The following PPP1R42 variants were observed in gnomAD, a reference collection of about 807,000 sequenced individuals.
PPP1R42 encodes leucine rich repeat containing 67.
In PPP1R42, 34 loss-of-function variants were observed where a neutral mutation model predicts 31.0. The observed-to-expected ratio is 1.10, with a 90% CI of 0.83 to 1.46. The LOEUF (loss-of-function observed/expected upper bound fraction) is 1.46, where lower values mean the gene tolerates loss of function less well. PPP1R42 is among the 40% of genes most tolerant of loss of function. The probability of loss-of-function intolerance (pLI) is 0.00; values close to 1 mark genes in which losing one functional copy is unlikely to be tolerated. For synonymous variants in PPP1R42, 103 were observed against 109.8 expected, an observed-to-expected ratio of 0.94 and a Z score of 0.39; for missense variants, 268 against 303.0, an observed-to-expected ratio of 0.88 and a Z score of 0.86.
intron 6 of PPP1R42, chr8:66,985,253 G>A (rs1814969647): frequency 9.3e-7 from 1 of 1,075,206 alleles, no homozygotes; most frequent in African/African-American, 1.6e-5. Context: ...TTAAAAGTGC[G>A]TTTCTGGCGC....
At position 66,970,578 on chromosome 8, in the gene PPP1R42, G is replaced by A. The variant is rs181962140; in HGVS notation, c.803-6244C>T. On this transcript the variant is annotated intron_variant, in intron 7 of 7. Coordinates refer to ENST00000685739, the MANE Select transcript of PPP1R42 (RefSeq NM_001364910.1). ...GTGGTGAAAGTAGTCTAATTCTGTA[G>A]GCCTCTGGACTTTCTGCAACCATAT... is the stretch of plus-strand genomic sequence containing the variant. Among the ~76,000 whole-genome samples, 201 of 152,286 alleles carry A rather than the reference G, an allele frequency of 1.3e-3. 1 individual carries two copies. Among genetic ancestry groups the A allele is most frequent in the Admixed American group, 2.0e-3 (30 of 15,300 alleles).
At chr8:66,965,084 T>C (rs948179292) in intron 7 of PPP1R42, among the ~76,000 whole-genome samples, 1 of 152,148 alleles carries the variant, frequency 6.6e-6, no homozygotes, top group Non-Finnish European at 1.5e-5. Context: ...ATAATGCTTT[T>C]GAGATCCATG....
intron 7 of PPP1R42, among the ~76,000 whole-genome samples, chr8:66,966,453 C>A (rs1449838468): frequency 1.3e-5 from 2 of 152,110 alleles, no homozygotes; most frequent in Non-Finnish European, 2.9e-5. Flanking sequence ...TAAAATGGGG[C>A]TTATAGTATT....
chr8:66,983,566 A>G (rs894471331), intron 6 of PPP1R42, among the ~76,000 whole-genome samples: 4 of 152,272 alleles, frequency 2.6e-5, no homozygotes, highest in South Asian at 2.1e-4. Context: ...CTCATTATCC[A>G]TGTAATCCAC....
chr8:66,985,496 C>G (rs1281863004), intron 6 of PPP1R42: 3 of 1,127,130 alleles, frequency 2.7e-6, no homozygotes, highest in Middle Eastern at 2.1e-4. Flanking sequence ...TTTAACTCCC[C>G]CTTTGGGGAA....
intron 5 of PPP1R42, among the ~76,000 whole-genome samples, chr8:67,007,720 A>C (rs1356432790): frequency 6.6e-6 from 1 of 152,078 alleles, no homozygotes; most frequent in Non-Finnish European, 1.5e-5. Context: ...CGGGGCCATG[A>C]ATTATTCCTT....
chr8:67,001,961 A>G (rs1425662841), intron 5 of PPP1R42, among the ~76,000 whole-genome samples: 1 of 152,190 alleles, frequency 6.6e-6, no homozygotes, highest in Non-Finnish European at 1.5e-5. Flanking sequence ...GACCCTGTCT[A>G]AAAACAAAAA....
At chr8:67,019,271 T>C (rs1450004867) in intron 1 of PPP1R42, among the ~76,000 whole-genome samples, 2 of 133,084 alleles carry the variant, frequency 1.5e-5, no homozygotes, top group African/African-American at 5.9e-5. Context: ...TGAGATAGTC[T>C]CGCTCTGTCA....
chr8:66,979,439 G>A (rs1814767451), intron 7 of PPP1R42, among the ~76,000 whole-genome samples: 1 of 152,198 alleles, frequency 6.6e-6, no homozygotes, highest in South Asian at 2.1e-4. Context: ...GGAGTTCTGA[G>A]GTAGGAGGAT....
intron 7 of PPP1R42, among the ~76,000 whole-genome samples, chr8:66,969,605 A>T (rs972047128): frequency 6.6e-6 from 1 of 152,178 alleles, no homozygotes; most frequent in South Asian, 2.1e-4. Context: ...CTCTGCAGGG[A>T]ATAGGGGTAG....
At chr8:66,970,362 C>A (rs1365122729) in intron 7 of PPP1R42, among the ~76,000 whole-genome samples, 3 of 151,958 alleles carry the variant, frequency 2.0e-5, no homozygotes, top group African/African-American at 7.3e-5. Flanking sequence ...TCTTGAACTC[C>A]TGGACTAAAA....
At chr8:67,008,524 A>G (rs1470650628) in intron 5 of PPP1R42, among the ~76,000 whole-genome samples, 1 of 152,056 alleles carries the variant, frequency 6.6e-6, no homozygotes, top group African/African-American at 2.4e-5. Flanking sequence ...TCTGGCCAAC[A>G]TGGCGAAACC....
chr8:67,004,452 T>C (rs2129536689), intron 5 of PPP1R42, among the ~76,000 whole-genome samples: 1 of 152,372 alleles, frequency 6.6e-6, no homozygotes, highest in South Asian at 2.1e-4. Context: ...TCTGAATTAA[T>C]TCTTTAAGTT....
At chr8:67,015,569 G>A (rs1254155677) in intron 2 of PPP1R42, among the ~76,000 whole-genome samples, 1 of 149,308 alleles carries the variant, frequency 6.7e-6, no homozygotes, top group Non-Finnish European at 1.5e-5. Context: ...CTTATTATAT[G>A]TATATTATAT....
intron 6 of PPP1R42, chr8:66,985,513 C>T (rs1814981647): frequency 8.3e-7 from 1 of 1,198,714 alleles, no homozygotes; most frequent in South Asian, 1.2e-5. Context: ...GGAAGCAATG[C>T]CCATGTCATG....
At chr8:66,999,593 G>A (rs1228399788) in intron 5 of PPP1R42, among the ~76,000 whole-genome samples, 1 of 152,098 alleles carries the variant, frequency 6.6e-6, no homozygotes, top group Non-Finnish European at 1.5e-5. Flanking sequence ...CAAGAGATCT[G>A]CTCAGCTTGG....
intron 7 of PPP1R42, among the ~76,000 whole-genome samples, chr8:66,981,671 G>A (rs1814843200): frequency 6.6e-6 from 1 of 152,156 alleles, no homozygotes; most frequent in Admixed American, 6.5e-5. Flanking sequence ...GTGAGCCACC[G>A]TGCCTGGCCT....
chr8:66,965,799 T>G (rs1814367577), intron 7 of PPP1R42, among the ~76,000 whole-genome samples: 1 of 152,118 alleles, frequency 6.6e-6, no homozygotes, highest in Admixed American at 6.5e-5. Flanking sequence ...GGAACATGCC[T>G]GTAGTCTCAG....
At chr8:67,001,959 C>G (rs1017285556) in intron 5 of PPP1R42, among the ~76,000 whole-genome samples, 15 of 152,124 alleles carry the variant, frequency 9.9e-5, no homozygotes, top group Admixed American at 9.2e-4. Flanking sequence ...AAGACCCTGT[C>G]TAAAAACAAA....
Sources: allele counts gnomAD v4.1 joint callset (sites outside exome capture counted in the v4.1 genomes callset), GRCh38; gene constraint gnomAD v4.1.1; transcripts MANE v1.5; gene names NCBI Gene and HGNC (gene_info 2026-07-23, HGNC 2026-07-21).